The following TMTC2 variants were observed in gnomAD, a reference collection of about 807,000 sequenced individuals.
TMTC2 encodes the protein protein O-mannosyl-transferase TMTC2.
Under a neutral mutation model 82.4 loss-of-function variants are expected in TMTC2, and 43 were observed. The ratio of observed to expected loss-of-function variants is 0.52; its 90% CI spans 0.41 to 0.67. The LOEUF is 0.67. Among genes scored for constraint, TMTC2 ranks in the 30% least tolerant of loss-of-function variants. The probability of loss-of-function intolerance (pLI) is 0.00; values close to 1 mark genes in which losing one functional copy is unlikely to be tolerated. For synonymous variants in TMTC2, 408 were observed against 381.9 expected (o/e 1.07, Z -0.80); for missense variants, 919 against 1,012.4 (o/e 0.91, Z 1.25).
chr12:83,005,805 C>A (rs1175424790), intron 8 of TMTC2, among the ~76,000 whole-genome samples: 2 of 152,158 alleles, frequency 1.3e-5, no homozygotes, highest in African/African-American at 4.8e-5. Flanking sequence ...AGCAGGGAAC[C>A]CCAGGAGGGG....
Position 82,937,974 on chromosome 12 carries a change from G to T in TMTC2, c.1598+7429G>T, listed in dbSNP as rs1876495965. On this transcript the variant is annotated intron_variant, in intron 4 of 11. Transcript: ENST00000321196. Reference sequence around the variant, plus strand: ...CTGTCGCCCAGGGTGGAGTGCAGTGGCGTGATCTCAGCTCACTGCAACCTC... The same window carrying T: ...CTGTCGCCCAGGGTGGAGTGCAGTGTCGTGATCTCAGCTCACTGCAACCTC... Among the ~76,000 whole-genome samples, 4 of 147,850 alleles carry T rather than the reference G, an allele frequency of 2.7e-5. No individual in the cohort carries two copies. In the South Asian group the frequency reaches 8.6e-4, roughly 32 times the overall value.
intron 2 of TMTC2, among the ~76,000 whole-genome samples, chr12:82,894,471 T>G (rs1027160593): frequency 2.0e-5 from 3 of 152,200 alleles, no homozygotes; most frequent in Admixed American, 1.3e-4. Flanking sequence ...CTTTGTGGGT[T>G]GTTTTTAAAA....
intron 1 of TMTC2, among the ~76,000 whole-genome samples, chr12:82,846,714 G>T (rs940281219): frequency 6.6e-6 from 1 of 152,058 alleles, no homozygotes. Flanking sequence ...ATTCGGGGTC[G>T]CTGACCATTG....
chr12:82,738,815 G>A (rs1284459179), intron 1 of TMTC2, among the ~76,000 whole-genome samples: 1 of 152,112 alleles, frequency 6.6e-6, no homozygotes, highest in African/African-American at 2.4e-5. Context: ...AAAAAAATTA[G>A]TAAAATGTTA....
chr12:82,696,343 A>G (rs1404682638), intron 1 of TMTC2, among the ~76,000 whole-genome samples: 1 of 152,236 alleles, frequency 6.6e-6, no homozygotes, highest in Non-Finnish European at 1.5e-5. Flanking sequence ...AAGAAAAAAA[A>G]TATGGTACTG....
Position 82,807,943 on chromosome 12 carries a change from G to A in TMTC2, c.84-49067G>A, listed in dbSNP as rs528539061. ...ATTTGTAGCTACCTAAAAATTATTA[G>A]GACTTTCTTATAATGGGCTTTAAAA... On this transcript the variant is annotated intron_variant, in intron 1 of 11. Coordinates refer to ENST00000321196, the MANE Select transcript of TMTC2 (RefSeq NM_152588.3). Among the ~76,000 whole-genome samples, 258 of 151,986 alleles carry A rather than the reference G, an allele frequency of 1.7e-3. 2 individuals are homozygous for A. The highest frequency in any genetic ancestry group is 6.0e-3 in the African/African-American group (247 of 41,500).
intron 4 of TMTC2, among the ~76,000 whole-genome samples, chr12:82,931,836 C>T (rs906914296): frequency 2.6e-5 from 4 of 152,038 alleles, no homozygotes; most frequent in East Asian, 1.9e-4. Context: ...GTATTAATCC[C>T]GGAAAAAGTT....
intron 11 of TMTC2, among the ~76,000 whole-genome samples, chr12:83,114,112 A>G (rs1592501683): frequency 1.3e-5 from 2 of 152,128 alleles, no homozygotes; most frequent in Non-Finnish European, 1.5e-5. Context: ...CGCATCTGCT[A>G]TGGACTGAAT....
At chr12:83,098,797 C>T (rs1413104349) in intron 11 of TMTC2, among the ~76,000 whole-genome samples, 1 of 152,164 alleles carries the variant, frequency 6.6e-6, no homozygotes, top group East Asian at 1.9e-4. Flanking sequence ...GTGCAACATG[C>T]TCTGATTTCA....
chr12:82,947,560 G>A (rs2137273299), intron 4 of TMTC2, among the ~76,000 whole-genome samples: 1 of 149,168 alleles, frequency 6.7e-6, no homozygotes, highest in Middle Eastern at 3.4e-3. Flanking sequence ...TCGATCTCCT[G>A]ACCTGGTGAT....
intron 9 of TMTC2, among the ~76,000 whole-genome samples, chr12:83,035,901 C>A (rs1348951882): frequency 6.6e-6 from 1 of 152,066 alleles, no homozygotes; most frequent in Non-Finnish European, 1.5e-5. Flanking sequence ...AATCAATGAA[C>A]ATTTGTTATG....
At chr12:82,852,346 A>G (rs1424837584) in intron 1 of TMTC2, among the ~76,000 whole-genome samples, 2 of 152,016 alleles carry the variant, frequency 1.3e-5, no homozygotes, top group African/African-American at 4.8e-5. Context: ...TGACCTCGTG[A>G]TCCATCGTCC....
intron 8 of TMTC2, among the ~76,000 whole-genome samples, chr12:83,026,997 G>A (rs570053229): frequency 6.6e-6 from 1 of 152,028 alleles, no homozygotes; most frequent in African/African-American, 2.4e-5. Flanking sequence ...CAATCCGAGT[G>A]GACCTGACCA....
intron 10 of TMTC2, among the ~76,000 whole-genome samples, chr12:83,061,258 C>T (rs1473937968): frequency 6.6e-6 from 1 of 151,702 alleles, no homozygotes; most frequent in African/African-American, 2.4e-5. Context: ...ATAATCTGGA[C>T]TTTTTATTTT....
chr12:83,105,178 C>A (rs1884354409), intron 11 of TMTC2, among the ~76,000 whole-genome samples: 1 of 152,152 alleles, frequency 6.6e-6, no homozygotes, highest in Non-Finnish European at 1.5e-5. Context: ...TTGGTCACAA[C>A]CATTTAACCA....
At chr12:82,918,784 G>A (rs1371087335) in intron 3 of TMTC2, among the ~76,000 whole-genome samples, 1 of 149,698 alleles carries the variant, frequency 6.7e-6, no homozygotes, top group African/African-American at 2.5e-5. Context: ...TTGAGACAGA[G>A]TCTTGCTCTG....
intron 1 of TMTC2, among the ~76,000 whole-genome samples, chr12:82,706,105 T>G (rs1873338193): frequency 6.6e-6 from 1 of 151,988 alleles, no homozygotes; most frequent in Non-Finnish European, 1.5e-5. Context: ...GGTCAGCAGC[T>G]CAAGACCAGC....
chr12:82,912,968 A>G (rs1229187923), intron 3 of TMTC2, among the ~76,000 whole-genome samples: 1 of 150,858 alleles, frequency 6.6e-6, no homozygotes, highest in Non-Finnish European at 1.5e-5. Flanking sequence ...ATGGGTGGTA[A>G]TATTCATATT....
intron 8 of TMTC2, among the ~76,000 whole-genome samples, chr12:83,027,683 T>A (rs528713947): frequency 6.6e-6 from 1 of 152,204 alleles, no homozygotes; most frequent in South Asian, 2.1e-4. Context: ...GAAAGATGAG[T>A]TTTTGTGTGA....
Sources: gnomAD v4.1 joint callset for allele counts (sites outside exome capture counted in the v4.1 genomes callset) on GRCh38, gnomAD v4.1.1 for gene constraint, MANE v1.5 for transcripts, NCBI Gene and HGNC (gene_info 2026-07-23, HGNC 2026-07-21) for gene names.